FER: variants seen among roughly 807,000 people sequenced by gnomAD.
The protein encoded by FER is FER tyrosine kinase, also known as tyrosine-protein kinase Fer.
In FER, 63 loss-of-function variants were observed where a neutral mutation model predicts 111.0. That is an observed-to-expected ratio of 0.57 (90% CI 0.46 to 0.70). The LOEUF (loss-of-function observed/expected upper bound fraction) is 0.70, where lower values mean the gene tolerates loss of function less well. FER is among the 30% of genes least tolerant of loss of function. FER has a pLI of 0.00. For missense variants in FER, 914 were observed against 954.0 expected (o/e 0.96, Z 0.55); for synonymous variants, 327 against 313.9 (o/e 1.04, Z -0.44).
intron 9 of FER, among the ~76,000 whole-genome samples, chr5:108,889,947 C>T (rs906479122): frequency 6.6e-6 from 1 of 151,894 alleles, no homozygotes; most frequent in Admixed American, 6.6e-5. Flanking sequence ...ACAGAGAGAT[C>T]CCGTGTACCC....
At chr5:109,183,171 A>G (rs1758459129) in intron 18 of FER, among the ~76,000 whole-genome samples, 1 of 151,916 alleles carries the variant, frequency 6.6e-6, no homozygotes, top group South Asian at 2.1e-4. Flanking sequence ...AGACTCTACA[A>G]GCCTTCTCCT....
At chr5:108,923,862 T>C (rs1413664237) in intron 10 of FER, among the ~76,000 whole-genome samples, 2 of 152,016 alleles carry the variant, frequency 1.3e-5, no homozygotes, top group Non-Finnish European at 2.9e-5. Context: ...TATTGGAGAG[T>C]TATACCTCAA....
intron 13 of FER, among the ~76,000 whole-genome samples, chr5:108,991,515 C>A (rs543867773): frequency 1.4e-4 from 21 of 152,112 alleles, no homozygotes; most frequent in African/African-American, 4.8e-4. Flanking sequence ...CTTTTCAGAT[C>A]GTATACTTTG....
chr5:109,164,625 A>G (rs1002192608), intron 17 of FER, among the ~76,000 whole-genome samples: 3 of 152,122 alleles, frequency 2.0e-5, no homozygotes, highest in Non-Finnish European at 4.4e-5. Context: ...ATTTAGTATC[A>G]TTAACATATC....
intron 17 of FER, among the ~76,000 whole-genome samples, chr5:109,148,330 T>G (rs1653786502): frequency 6.6e-6 from 1 of 152,122 alleles, no homozygotes; most frequent in Non-Finnish European, 1.5e-5. Flanking sequence ...AAATTTGGTT[T>G]TCAGGTTCTC....
At chr5:109,022,361 A>G (rs1316418108) in intron 13 of FER, among the ~76,000 whole-genome samples, 1 of 152,142 alleles carries the variant, frequency 6.6e-6, no homozygotes, top group Non-Finnish European at 1.5e-5. Context: ...ACTAGGCTAC[A>G]TGAGGAGCAT....
In FER at chr5:109,189,186, A is replaced by G. The variant is rs1448608830; in HGVS notation, c.*1611A>G. 1 of 94,880 alleles carries G rather than the reference A, an allele frequency of 1.1e-5. No individual in the cohort carries two copies. The highest frequency in any genetic ancestry group is 3.9e-5 in the African/African-American group (1 of 25,602). 5.9% of individuals were successfully genotyped at this position (94,880 alleles called of 1,614,324 possible). A position where few individuals can be genotyped will look rare whatever the true frequency, so the allele number is the denominator to read the frequency against. On this transcript the variant is annotated 3_prime_UTR_variant, in exon 20 of 20. Coordinates refer to ENST00000281092, the MANE Select transcript of FER (RefSeq NM_005246.4). ...ATCTTAACTCTTATCTAGGGAACTT[A>G]CTTACTTACCCCATGATCTGTATAT...
chr5:108,907,136 T>C (rs979435711), intron 10 of FER, among the ~76,000 whole-genome samples: 4 of 152,126 alleles, frequency 2.6e-5, no homozygotes, highest in Non-Finnish European at 5.9e-5. Flanking sequence ...AATATACAGC[T>C]CCAGATACAA....
At chr5:108,990,934 C>A (rs1028095386) in intron 13 of FER, among the ~76,000 whole-genome samples, 2 of 151,618 alleles carry the variant, frequency 1.3e-5, no homozygotes, top group Non-Finnish European at 3.0e-5. Context: ...AAAATATGTA[C>A]ATAACTTATG....
intron 16 of FER, 104 bp from the exon 17 acceptor site, chr5:109,100,292 G>T: frequency 1.4e-6 from 2 of 1,380,230 alleles, no homozygotes. Context: ...GGCCAAATGT[G>T]TAATGCATTT....
chr5:109,187,243 A>G (rs1307180108), intron 19 of FER, among the ~76,000 whole-genome samples, 190 bp from the exon 20 acceptor site: 2 of 152,172 alleles, frequency 1.3e-5, no homozygotes, highest in Non-Finnish European at 2.9e-5. Flanking sequence ...TTAGAACTCT[A>G]AGACTCTGTA....
intron 10 of FER, among the ~76,000 whole-genome samples, chr5:108,945,163 A>G (rs537426839): frequency 8.2e-4 from 125 of 152,300 alleles, no homozygotes; most frequent in African/African-American, 3.0e-3. Context: ...TTCCAGAAGT[A>G]AAATTTGGCA....
intron 13 of FER, among the ~76,000 whole-genome samples, chr5:108,974,354 A>G (rs539100366): frequency 2.6e-5 from 4 of 152,290 alleles, no homozygotes; most frequent in East Asian, 3.9e-4. Context: ...AATGACTACA[A>G]CTGCACTGGT....
At chr5:108,930,812 C>T (rs1754558622) in intron 10 of FER, among the ~76,000 whole-genome samples, 1 of 151,234 alleles carries the variant, frequency 6.6e-6, no homozygotes, top group South Asian at 2.1e-4. Context: ...CAGGGTTTCA[C>T]CATGTTGCCC....
At chr5:108,807,495 A>G (rs1441018883) in intron 3 of FER, among the ~76,000 whole-genome samples, 1 of 151,788 alleles carries the variant, frequency 6.6e-6, no homozygotes, top group African/African-American at 2.4e-5. Flanking sequence ...TATTGTGCTT[A>G]TTTTCATTTT....
chr5:109,156,724 T>A (rs1179872050), intron 17 of FER, among the ~76,000 whole-genome samples: 1 of 151,950 alleles, frequency 6.6e-6, no homozygotes, highest in African/African-American at 2.4e-5. Flanking sequence ...ACTAAAGGAA[T>A]AGTTTCAAAG....
intron 5 of FER, among the ~76,000 whole-genome samples, chr5:108,863,804 A>G (rs1748735302): frequency 6.6e-6 from 1 of 152,254 alleles, no homozygotes; most frequent in Admixed American, 6.5e-5. Context: ...TTACATTTAT[A>G]TAAACACATA....
chr5:108,864,067 A>G (rs1763794146), intron 5 of FER, among the ~76,000 whole-genome samples: 1 of 152,206 alleles, frequency 6.6e-6, no homozygotes, highest in South Asian at 2.1e-4. Context: ...TTTATGTTAT[A>G]AAGTGAAATA....
intron 17 of FER, among the ~76,000 whole-genome samples, chr5:109,109,546 A>G (rs1042069746): frequency 1.3e-5 from 2 of 152,118 alleles, no homozygotes; most frequent in East Asian, 1.9e-4. Flanking sequence ...TAAAATCAGG[A>G]TGATAATATT....
Sources: allele counts gnomAD v4.1 joint callset (sites outside exome capture counted in the v4.1 genomes callset), GRCh38; gene constraint gnomAD v4.1.1; transcripts MANE v1.5; gene names NCBI Gene and HGNC (gene_info 2026-07-23, HGNC 2026-07-21).